The following ARFGEF3 variants were observed in gnomAD, a reference collection of about 807,000 sequenced individuals.
ARFGEF3 encodes brefeldin A-inhibited guanine nucleotide-exchange protein 3.
In ARFGEF3, 96 loss-of-function variants were observed where a neutral mutation model predicts 221.7. The ratio of observed to expected loss-of-function variants is 0.43; its 90% CI spans 0.37 to 0.51. The LOEUF (loss-of-function observed/expected upper bound fraction) is 0.51, where lower values mean the gene tolerates loss of function less well. ARFGEF3 is among the 20% of genes least tolerant of loss of function. The pLI, the probability that ARFGEF3 is intolerant of heterozygous loss-of-function variation, is 0.00. For synonymous variants in ARFGEF3, 1,145 were observed against 1,126.8 expected (o/e 1.02, Z -0.32); for missense variants, 2,410 against 2,789.9 (o/e 0.86, Z 3.07).
Position 138,336,591 on chromosome 6 carries a change from C to CT in ARFGEF3, c.*106dup. The CT allele has an allele frequency of 1.1e-6, 1 of 891,280 alleles. No homozygotes were observed. Among genetic ancestry groups the CT allele is most frequent in the South Asian group, 2.0e-5 (1 of 50,438 alleles). 55.2% of individuals were successfully genotyped at this position (891,280 alleles called of 1,614,324 possible). On this transcript the variant is annotated 3_prime_UTR_variant, in exon 34 of 34. Transcript: ENST00000251691. Reference sequence around the variant, plus strand: ...ACCACTAGCCCCACTTAAACTACTACTACTGTCTCAGAGAACAGTGTTTCC... The same window carrying CT: ...ACCACTAGCCCCACTTAAACTACTACTTACTGTCTCAGAGAACAGTGTTTCC...
chr6:138,248,927 A>G (rs927062879), intron 8 of ARFGEF3, among the ~76,000 whole-genome samples: 1 of 152,214 alleles, frequency 6.6e-6, no homozygotes, highest in African/African-American at 2.4e-5. Flanking sequence ...ATTGTTCCTT[A>G]GTCAGAAAAG....
intron 2 of ARFGEF3, among the ~76,000 whole-genome samples, chr6:138,184,651 T>C (rs1367262391): frequency 6.6e-6 from 1 of 152,252 alleles, no homozygotes; most frequent in Non-Finnish European, 1.5e-5. Context: ...TAAACTTGAC[T>C]ATGGCAGTCT....
chr6:138,255,987 G>A (rs1203516292), intron 10 of ARFGEF3, among the ~76,000 whole-genome samples: 2 of 152,158 alleles, frequency 1.3e-5, no homozygotes, highest in East Asian at 1.9e-4. Flanking sequence ...ATGCAAAACC[G>A]TTTGAGAATC....
chr6:138,202,862 G>C (rs1022496963), intron 2 of ARFGEF3, among the ~76,000 whole-genome samples: 1 of 151,596 alleles, frequency 6.6e-6, no homozygotes, highest in African/African-American at 2.4e-5. Flanking sequence ...AATTATAGTA[G>C]CCTACACATA....
At chr6:138,257,096 A>G (rs1778697872) in intron 10 of ARFGEF3, among the ~76,000 whole-genome samples, 1 of 152,182 alleles carries the variant, frequency 6.6e-6, no homozygotes, top group Non-Finnish European at 1.5e-5. Flanking sequence ...TTTTCAGTTA[A>G]GAATGTTACT....
chr6:138,290,079 CAAT>C (rs946123171), intron 18 of ARFGEF3, 111 bp downstream of exon 18: 2 of 991,020 alleles, frequency 2.0e-6, no homozygotes, highest in Non-Finnish European at 3.0e-6. Flanking sequence ...GCATGTAAAT[CAAT>C]TATAACAATT....
At chr6:138,270,427 GACACACACACACAC>G (rs3044804) in intron 12 of ARFGEF3, among the ~76,000 whole-genome samples, 2,639 of 139,500 alleles carry the variant, frequency 0.019, 74 homozygotes, top group African/African-American at 0.065. Context: ...ATTTTACGTA[GACACACACACACAC>G]ACACACACAC....
At position 138,323,689 on chromosome 6, in the gene ARFGEF3, G is replaced by A. The variant is rs17067425; in HGVS notation, c.4785G>A (p.Ala1595=). The change falls in exon 30 of 34, where the codon GCG becomes GCA. Residue 1595 remains alanine (A), a synonymous_variant. Coordinates refer to ENST00000251691, the MANE Select transcript of ARFGEF3 (RefSeq NM_020340.5). Reference sequence around the variant, plus strand: ...TTGGCAGATACGTCCTTGTGACAGCGGGCCCTGTGTTCACTGAGGAGATGT... The same window carrying A: ...TTGGCAGATACGTCCTTGTGACAGCAGGCCCTGTGTTCACTGAGGAGATGT... ...CSCIRYVLVT[A]GPVFTEEMWR... 0.013 allele frequency: 21,042 copies of A among 1,613,658 alleles called. 1,766 individuals are homozygous for A. In the African/African-American group the frequency reaches 0.21, roughly 16 times the overall value.
intron 4 of ARFGEF3, among the ~76,000 whole-genome samples, chr6:138,213,764 TATTTC>T (rs1174654000): frequency 1.3e-5 from 2 of 152,032 alleles, no homozygotes; most frequent in Non-Finnish European, 2.9e-5. Flanking sequence ...TGGGGAAAAA[TATTTC>T]AGTTCACAAC....
chr6:138,225,260 C>T (rs543877179), intron 4 of ARFGEF3, among the ~76,000 whole-genome samples: 1 of 152,354 alleles, frequency 6.6e-6, no homozygotes, highest in East Asian at 1.9e-4. Context: ...AAACACTTAA[C>T]ATAAGGCATT....
intron 4 of ARFGEF3, among the ~76,000 whole-genome samples, chr6:138,219,323 A>G (rs1246479470): frequency 6.6e-6 from 1 of 152,108 alleles, no homozygotes; most frequent in African/African-American, 2.4e-5. Flanking sequence ...ATGAGCCTGA[A>G]AGGGTGGTTG....
At chr6:138,194,701 G>T (rs1452047700) in intron 2 of ARFGEF3, among the ~76,000 whole-genome samples, 1 of 152,198 alleles carries the variant, frequency 6.6e-6, no homozygotes, top group East Asian at 1.9e-4. Context: ...CAGTCAAGAA[G>T]GCTTTAGGGA....
chr6:138,323,788 G>A lies in ARFGEF3; in HGVS notation c.4869+15G>A, dbSNP rs1321751218. 1 of 1,611,868 alleles carries A rather than the reference G, an allele frequency of 6.2e-7. No homozygotes were observed. On this transcript the variant is annotated intron_variant, in intron 30 of 33. Coordinates refer to ENST00000251691, the MANE Select transcript of ARFGEF3 (RefSeq NM_020340.5). ...AGCCAGTGAAGGTACATCACTGGGAGGAAGCCCTCCCTGGCACAGTTCTAA... is the reference window on the plus strand; with the variant it reads ...AGCCAGTGAAGGTACATCACTGGGAAGAAGCCCTCCCTGGCACAGTTCTAA...
In ARFGEF3 at chr6:138,334,962, C is replaced by G; in HGVS notation, c.6116C>G (p.Ser2039Cys). 2 of 1,586,068 alleles carry G rather than the reference C, an allele frequency of 1.3e-6. No homozygotes were observed. The highest frequency in any genetic ancestry group is 2.3e-5 in the South Asian group (2 of 86,510). ...AAGAGGAAACAGCAGCACAACCTGTCCGCGTTCCCCAAAGAGGTCAAAGTG... is the reference window on the plus strand; with the variant it reads ...AAGAGGAAACAGCAGCACAACCTGTGCGCGTTCCCCAAAGAGGTCAAAGTG... ...YKKRKQQHNLSAFPKEVKVEK... is the reference protein window; with the variant it reads ...YKKRKQQHNLCAFPKEVKVEK... Residue 2039 changes from serine to cysteine, a missense_variant, in exon 33 of 34, where the codon TCC becomes TGC. Ser to Cys is a moderately radical substitution (Grantham distance 112, BLOSUM62 -1). This residue lies in a region of ARFGEF3 where 339 missense variants were observed against 334.9 expected (regional missense o/e 1.01). Coordinates refer to ENST00000251691, the MANE Select transcript of ARFGEF3 (RefSeq NM_020340.5). This position sits in a 1 kb window ranked among gnomAD's most constrained non-coding sequence, Gnocchi z 5.1.
chr6:138,197,712 T>C (rs1402285006), intron 2 of ARFGEF3, among the ~76,000 whole-genome samples: 3 of 152,196 alleles, frequency 2.0e-5, no homozygotes, highest in East Asian at 1.9e-4. Context: ...TCCATCCTTA[T>C]TGAGTGGTTG....
At chr6:138,333,144 T>A (rs1583071994) in intron 32 of ARFGEF3, among the ~76,000 whole-genome samples, 1 of 152,206 alleles carries the variant, frequency 6.6e-6, no homozygotes, top group East Asian at 1.9e-4. Context: ...GAAATGAAAC[T>A]GTAAACCAAA....
rs753642251 is a variant in ARFGEF3, at chr6:138,319,721, A to G, written c.4493A>G (p.Tyr1498Cys). 5 of 1,610,906 alleles carry G rather than the reference A, an allele frequency of 3.1e-6. No homozygotes were observed. The highest frequency in any genetic ancestry group is 1.7e-5 in the Admixed American group (1 of 59,050). ...TTTTCAGGACCAGGGTTTGGTATCT[A>G]TGCAGTGGTTCACCTCCTCCTTCCT... ...TKTPGPGFGI[Y>C]AVVHLLLPVM... The change falls in exon 28 of 34, where the codon TAT becomes TGT. Residue 1498 changes from tyrosine (Y) to cysteine (C), a missense_variant. Coordinates refer to ENST00000251691, the MANE Select transcript of ARFGEF3 (RefSeq NM_020340.5).
At chr6:138,222,667 A>G (rs1778001956) in intron 4 of ARFGEF3, among the ~76,000 whole-genome samples, 1 of 152,190 alleles carries the variant, frequency 6.6e-6, no homozygotes, top group South Asian at 2.1e-4. Context: ...CTGAGATTGA[A>G]AAACCTTGAT....
intron 23 of ARFGEF3, among the ~76,000 whole-genome samples, chr6:138,308,333 G>C (rs1779763790): frequency 6.6e-6 from 1 of 152,148 alleles, no homozygotes; most frequent in Admixed American, 6.5e-5. Flanking sequence ...AAAGAAAAGT[G>C]GTCTCAGGCC....
Sources: allele counts gnomAD v4.1 joint callset (sites outside exome capture counted in the v4.1 genomes callset), GRCh38; gene constraint gnomAD v4.1.1; regional missense constraint gnomAD v4.1.1; non-coding constraint Gnocchi (gnomAD v3.1); transcripts MANE v1.5; gene names NCBI Gene and HGNC (gene_info 2026-07-23, HGNC 2026-07-21).